The following SCAMP5 variants were observed in gnomAD, a reference collection of about 807,000 sequenced individuals.
The protein encoded by SCAMP5 is secretory carrier membrane protein 5.
A neutral mutation model predicts 28.3 loss-of-function variants in SCAMP5; 7 were observed. The observed-to-expected ratio is 0.25, with a 90% confidence interval of 0.14 to 0.46. The LOEUF (loss-of-function observed/expected upper bound fraction) is 0.46, where lower values mean the gene tolerates loss of function less well. Ranked by LOEUF, SCAMP5 falls within the 20% of genes least tolerant of loss-of-function variation. The pLI, the probability that SCAMP5 is intolerant of heterozygous loss-of-function variation, is 0.99. For missense variants in SCAMP5, 192 were observed against 312.5 expected (o/e 0.61, Z 2.91); for synonymous variants, 117 against 116.4 (o/e 1.00, Z -0.03).
chr15:74,995,588 C>A lies in SCAMP5; in HGVS notation c.-134C>A, dbSNP rs892725969. ...CCCCGCCCCCAGCCCCGGAGCGGCT[C>A]GCGGCCGGCTCCGCGCCGCATCGCT... On this transcript the variant is annotated 5_prime_UTR_variant, in exon 1 of 7. Coordinates refer to ENST00000425597, the MANE Select transcript of SCAMP5 (RefSeq NM_138967.4). The A allele has an allele frequency of 6.9e-6, 1 of 143,986 alleles. No individual in the cohort carries two copies. The highest frequency in any genetic ancestry group is 2.5e-5 in the African/African-American group (1 of 39,616). The allele number at this position is 143,986 out of a possible 1,614,324, so 8.9% of individuals were successfully genotyped here.
intron 1 of SCAMP5, among the ~76,000 whole-genome samples, chr15:74,997,649 G>A (rs534175231): frequency 3.3e-4 from 50 of 152,298 alleles, no homozygotes; most frequent in African/African-American, 9.9e-4. Flanking sequence ...AAGCAGAGGG[G>A]GCGGCTAGAG....
rs140229606 is a variant in SCAMP5, at chr15:75,015,452, AG to A, written c.137-1131del. Reference sequence around the variant, plus strand: ...GTTCAGCTAGATGAGGTGGGGACAGAGGGGGGGGGGCCTGGGTCCTGTTCTT... The same window carrying A: ...GTTCAGCTAGATGAGGTGGGGACAGAGGGGGGGGGCCTGGGTCCTGTTCTT... On this transcript the variant is annotated intron_variant, in intron 3 of 6. Coordinates refer to ENST00000425597, the MANE Select transcript of SCAMP5 (RefSeq NM_138967.4). Among the ~76,000 whole-genome samples, 342 of 128,660 alleles carry A rather than the reference AG, an allele frequency of 2.7e-3. 2 individuals are homozygous for A. The highest frequency in any genetic ancestry group is 3.5e-3 in the African/African-American group (115 of 32,790). The allele number at this position is 128,660 out of a possible 152,430, so 84.4% of individuals were successfully genotyped here. A position where few individuals can be genotyped will look rare whatever the true frequency, so the allele number is the denominator to read the frequency against.
intron 1 of SCAMP5, among the ~76,000 whole-genome samples, chr15:75,000,153 T>A (rs567334601): frequency 3.7e-4 from 57 of 152,292 alleles, no homozygotes; most frequent in Non-Finnish European, 6.8e-4. Flanking sequence ...ATTTTTTTTT[T>A]AATTGCATAT....
chr15:75,002,013 G>A (rs1165717382), intron 1 of SCAMP5, among the ~76,000 whole-genome samples: 1 of 152,116 alleles, frequency 6.6e-6, no homozygotes, highest in African/African-American at 2.4e-5. Context: ...GGCTGAGGTG[G>A]AAGGATGGAT....
intron 1 of SCAMP5, among the ~76,000 whole-genome samples, chr15:75,009,441 T>TTGTGTGTGTG (rs3057655): frequency 0.015 from 2,012 of 136,116 alleles, 27 homozygotes; most frequent in Middle Eastern, 0.022. Context: ...TGCTAGAAGT[T>TTGTGTGTGTG]TGTGTGTGTG....
chr15:75,018,052 G>C lies in SCAMP5; in HGVS notation c.395+81G>C. 2 of 890,550 alleles carry C rather than the reference G, an allele frequency of 2.2e-6. No individual in the cohort carries two copies. The highest frequency in any genetic ancestry group is 1.4e-5 in the South Asian group (1 of 70,212). The allele number at this position is 890,550 out of a possible 1,614,324, so 55.2% of individuals were successfully genotyped here. A position where few individuals can be genotyped will look rare whatever the true frequency, so the allele number is the denominator to read the frequency against. ...TTTGCTTACCTTTGTGTGCTAAGCT[G>C]TCTAGCCTATGGGGCCTGAGTGATG... On this transcript the variant is annotated intron_variant, in intron 5 of 6. Coordinates refer to ENST00000425597, the MANE Select transcript of SCAMP5 (RefSeq NM_138967.4). This position sits in a 1 kb window ranked among gnomAD's most constrained non-coding sequence, Gnocchi z 5.6.
intron 1 of SCAMP5, chr15:74,997,381 T>C (rs3812945): frequency 0.31 from 47,551 of 152,100 alleles, 9,618 homozygotes; most frequent in Non-Finnish European, 0.45. Context: ...CTCCCACCCA[T>C]TGGGAAAGTG....
At chr15:75,016,063 T>C (rs1200756097) in intron 3 of SCAMP5, among the ~76,000 whole-genome samples, 1 of 152,208 alleles carries the variant, frequency 6.6e-6, no homozygotes, top group Non-Finnish European at 1.5e-5. Flanking sequence ...ATTTTTCCCT[T>C]TCCATGCCCA....
At chr15:75,010,829 C>T (rs986774453) in intron 1 of SCAMP5, among the ~76,000 whole-genome samples, 7 of 151,704 alleles carry the variant, frequency 4.6e-5, no homozygotes, top group African/African-American at 7.3e-5. Flanking sequence ...TGTCCCTGTA[C>T]GATGCTTTCC....
intron 1 of SCAMP5, among the ~76,000 whole-genome samples, chr15:75,000,683 CTTTTTTT>C (rs58106804): frequency 0.026 from 3,097 of 120,276 alleles, 111 homozygotes; most frequent in African/African-American, 0.088. Flanking sequence ...CGCACCCAGC[CTTTTTTT>C]TTTTTTTTTT....
chr15:74,999,604 C>G (rs560081298), intron 1 of SCAMP5, among the ~76,000 whole-genome samples: 2 of 151,710 alleles, frequency 1.3e-5, no homozygotes, highest in South Asian at 4.2e-4. Context: ...AAAACAAAAA[C>G]AAAAACAAAA....
rs2065813784 is a variant in SCAMP5, at chr15:75,011,794, C to G, written c.-46C>G. 3 of 1,595,140 alleles carry G rather than the reference C, an allele frequency of 1.9e-6. No homozygotes were observed. Among genetic ancestry groups the G allele is most frequent in the Non-Finnish European group, 2.6e-6 (3 of 1,163,674 alleles). ...CTCTGGCTTTTCTTTCCTTGCAGTTCAGGACAAAGAGGTGTGGGCAGGCCA... is the reference window on the plus strand; with the variant it reads ...CTCTGGCTTTTCTTTCCTTGCAGTTGAGGACAAAGAGGTGTGGGCAGGCCA... On this transcript the variant is annotated splice_region_variant and 5_prime_UTR_variant, in exon 2 of 7. Transcript: ENST00000425597.
intron 1 of SCAMP5, among the ~76,000 whole-genome samples, chr15:75,005,253 G>A (rs1045798854): frequency 1.3e-5 from 2 of 151,260 alleles, no homozygotes; most frequent in Admixed American, 6.6e-5. Flanking sequence ...ACCTGAGGTC[G>A]GGAGTTTGAG....
chr15:75,016,531 A>G lies in SCAMP5; in HGVS notation c.137-62A>G, dbSNP rs896781793. On this transcript the variant is annotated intron_variant, in intron 3 of 6. Coordinates refer to ENST00000425597, the MANE Select transcript of SCAMP5 (RefSeq NM_138967.4). ...TGTGTGTGCCCATGTCCGGGTGCTC[A>G]TGTGTCTCTCTATGGGCCTGGGTGT... 8.6e-6 allele frequency: 13 copies of G among 1,517,552 alleles called. No individual in the cohort carries two copies. The African/African-American group carries it at 1.2e-4, about 14-fold the overall frequency. 94.0% of individuals were successfully genotyped at this position (1,517,552 alleles called of 1,614,324 possible).
chr15:75,000,180 A>G (rs1438538356), intron 1 of SCAMP5, among the ~76,000 whole-genome samples: 2 of 152,126 alleles, frequency 1.3e-5, no homozygotes, highest in South Asian at 4.1e-4. Flanking sequence ...ACAGATAGCT[A>G]AAAAGCAACA....
rs905432890 is a variant in SCAMP5 at position 74,995,686 on chromosome 15, A to G, written c.-49+13A>G. ...ACGGCCGCGGCAGGTGAGTCTGGGC[A>G]TGAAGGCTGGGAGGAGAGCTTTGAA... On this transcript the variant is annotated intron_variant, in intron 1 of 6. Coordinates refer to ENST00000425597, the MANE Select transcript of SCAMP5 (RefSeq NM_138967.4). The G allele has an allele frequency of 9.9e-5, 15 of 152,022 alleles. No homozygotes were observed. The highest frequency in any genetic ancestry group is 3.6e-4 in the African/African-American group (15 of 41,478). 9.4% of individuals were successfully genotyped at this position (152,022 alleles called of 1,614,324 possible). A position where few individuals can be genotyped will look rare whatever the true frequency, so the allele number is the denominator to read the frequency against.
Position 75,012,754 on chromosome 15 carries a change from A to T in SCAMP5, c.85A>T (p.Ile29Phe). 1 of 1,613,954 alleles carries T rather than the reference A, an allele frequency of 6.2e-7. No individual in the cohort carries two copies. The highest frequency in any genetic ancestry group is 8.5e-7 in the Non-Finnish European group (1 of 1,179,828). The change falls in exon 3 of 7, where the codon ATT becomes TTT. Residue 29 changes from isoleucine to phenylalanine, a missense_variant. Coordinates refer to ENST00000425597, the MANE Select transcript of SCAMP5 (RefSeq NM_138967.4). The stretch of plus-strand genomic sequence containing the variant: ...TTTCTACCAAGACTTCGAGGCAGAT[A>T]TTCCTCCCCAGCATGTCAGCATGAC... ...PCFYQDFEADIPPQHVSMTKR... is the reference protein window; with the variant it reads ...PCFYQDFEADFPPQHVSMTKR...
At chr15:75,001,869 CAAAAAAAAAAAAA>C (rs769760180) in intron 1 of SCAMP5, among the ~76,000 whole-genome samples, 1,576 of 40,568 alleles carry the variant, frequency 0.039, 49 homozygotes, top group African/African-American at 0.15. Context: ...GACTCGGTCT[CAAAAAAAAAAAAA>C]AAAAAAAAAA....
chr15:75,012,639 G>T (rs1203007147), intron 2 of SCAMP5, 38 bp from the exon 3 acceptor site: 1 of 1,613,084 alleles, frequency 6.2e-7, no homozygotes, highest in South Asian at 1.1e-5. Context: ...TCGGGTGGAA[G>T]ACTGGAGGTG....
Sources: gnomAD v4.1 joint callset for allele counts (sites outside exome capture counted in the v4.1 genomes callset) on GRCh38, gnomAD v4.1.1 for gene constraint, Gnocchi (gnomAD v3.1) non-coding constraint, MANE v1.5 for transcripts, NCBI Gene and HGNC (gene_info 2026-07-23, HGNC 2026-07-21) for gene names.